Variants in CCSER1 observed in about 807,000 individuals in gnomAD.
The protein encoded by CCSER1 is coiled-coil serine rich protein 1.
CCSER1 carries 41 observed loss-of-function variants against 82.0 expected under a neutral mutation model. The observed-to-expected ratio is 0.50, with a 90% CI of 0.39 to 0.65. The LOEUF is 0.65. Among genes scored for constraint, CCSER1 ranks in the 30% least tolerant of loss-of-function variants. The pLI is 0.00. For synonymous variants in CCSER1, 414 were observed against 383.9 expected (o/e 1.08, Z -0.92); for missense variants, 1,119 against 1,064.2 (o/e 1.05, Z -0.72).
intron 10 of CCSER1, among the ~76,000 whole-genome samples, chr4:91,136,084 TC>T (rs892809216): frequency 1.3e-5 from 2 of 152,208 alleles, no homozygotes; most frequent in African/African-American, 2.4e-5. Context: ...ATCCTTATTT[TC>T]TTGCATATCA....
At chr4:90,629,406 C>T (rs911734162) in intron 6 of CCSER1, among the ~76,000 whole-genome samples, 5 of 152,058 alleles carry the variant, frequency 3.3e-5, no homozygotes, top group Middle Eastern at 3.2e-3. Flanking sequence ...CAGCAGAAGG[C>T]GATGAAGGAG....
intron 6 of CCSER1, among the ~76,000 whole-genome samples, chr4:90,639,532 C>A (rs1281973518): frequency 6.6e-6 from 1 of 151,740 alleles, no homozygotes; most frequent in African/African-American, 2.4e-5. Flanking sequence ...GGTGACAGAC[C>A]AGAATGAAAG....
chr4:90,367,350 A>T (rs1018583806), intron 3 of CCSER1, among the ~76,000 whole-genome samples: 3 of 151,844 alleles, frequency 2.0e-5, no homozygotes, highest in African/African-American at 7.2e-5. Flanking sequence ...AATAACTTAA[A>T]GTTTCTGTGT....
intron 10 of CCSER1, among the ~76,000 whole-genome samples, chr4:91,167,116 A>G (rs1294194323): frequency 6.6e-6 from 1 of 152,060 alleles, no homozygotes; most frequent in Non-Finnish European, 1.5e-5. Context: ...TTAATTTACT[A>G]ATATATTGTT....
intron 1 of CCSER1, among the ~76,000 whole-genome samples, chr4:90,227,601 A>C (rs547048778): frequency 3.9e-5 from 6 of 152,250 alleles, no homozygotes; most frequent in African/African-American, 1.4e-4. Flanking sequence ...ATTATTATAG[A>C]GCTTATGGGG....
At chr4:91,084,755 G>A (rs1723186291) in intron 9 of CCSER1, among the ~76,000 whole-genome samples, 1 of 152,090 alleles carries the variant, frequency 6.6e-6, no homozygotes, top group African/African-American at 2.4e-5. Context: ...GGTATGCCAT[G>A]TTGATCCTAG....
chr4:91,237,886 T>A (rs1739139575), intron 10 of CCSER1, among the ~76,000 whole-genome samples: 1 of 152,192 alleles, frequency 6.6e-6, no homozygotes, highest in Non-Finnish European at 1.5e-5. Context: ...AGTGAATTTA[T>A]TTGAGAGCAC....
chr4:91,515,494 TG>T (rs1760057352), intron 10 of CCSER1, among the ~76,000 whole-genome samples: 1 of 152,192 alleles, frequency 6.6e-6, no homozygotes, highest in Admixed American at 6.5e-5. Context: ...CTTAAGATAA[TG>T]GCTTCCACCT....
At chr4:91,432,919 A>G (rs138616273) in intron 10 of CCSER1, among the ~76,000 whole-genome samples, 4 of 152,244 alleles carry the variant, frequency 2.6e-5, no homozygotes, top group African/African-American at 9.6e-5. Flanking sequence ...AAGTAAAGAA[A>G]TGTGTATTAT....
In CCSER1 at chr4:91,025,193, C is replaced by A. The variant is rs185083780; in HGVS notation, c.2173-60757C>A. ...AGAATATATTTGTCTCTTGTAATTT[C>A]TATTTTTTTATGGTGTCCAGCCTGG... On this transcript the variant is annotated intron_variant, in intron 9 of 10. Transcript: ENST00000509176. 3.5e-3 allele frequency among the ~76,000 whole-genome samples: 529 copies of A among 152,158 alleles called. 4 individuals carry two copies. Among genetic ancestry groups the A allele is most frequent in the African/African-American group, 0.012 (510 of 41,542 alleles).
At chr4:90,182,824 A>T (rs536014172) in intron 1 of CCSER1, among the ~76,000 whole-genome samples, 1 of 152,048 alleles carries the variant, frequency 6.6e-6, no homozygotes, top group African/African-American at 2.4e-5. Context: ...TTTGTCTCTG[A>T]CACTTGAATG....
chr4:90,876,501 G>A (rs143181375), intron 8 of CCSER1, among the ~76,000 whole-genome samples: 15 of 152,140 alleles, frequency 9.9e-5, no homozygotes, highest in East Asian at 3.9e-4. Flanking sequence ...AAGCTTTTCC[G>A]TATTTGTCAT....
chr4:91,192,682 A>C (rs1581745546), intron 10 of CCSER1, among the ~76,000 whole-genome samples: 1 of 152,092 alleles, frequency 6.6e-6, no homozygotes, highest in South Asian at 2.1e-4. Flanking sequence ...GCTTCTGTTG[A>C]CAAAGATTCT....
Position 90,537,329 on chromosome 4 carries a change from G to A in CCSER1, c.1724+68975G>A, listed in dbSNP as rs576412680. Among the ~76,000 whole-genome samples, 326 of 151,488 alleles carry A rather than the reference G, an allele frequency of 2.2e-3. 1 individual carries two copies. The highest frequency in any genetic ancestry group is 7.4e-3 in the African/African-American group (305 of 41,338). ...CCTTTTACTTTTTTATATCTTTTTC[G>A]TTTTTAGGGGCTTCTTTCTTGCCTT... On this transcript the variant is annotated intron_variant, in intron 5 of 10. Coordinates refer to ENST00000509176, the MANE Select transcript of CCSER1 (RefSeq NM_001145065.2).
At chr4:90,880,404 C>T (rs1365401265) in intron 8 of CCSER1, among the ~76,000 whole-genome samples, 1 of 152,122 alleles carries the variant, frequency 6.6e-6, no homozygotes, top group African/African-American at 2.4e-5. Context: ...CCAGAGGTTC[C>T]CTGTCTGGTG....
intron 1 of CCSER1, among the ~76,000 whole-genome samples, chr4:90,143,889 T>C (rs779555001): frequency 9.2e-5 from 14 of 151,598 alleles, no homozygotes; most frequent in Non-Finnish European, 1.2e-4. Context: ...AGGGTCTCCT[T>C]ATGTTACTTA....
In CCSER1 at chr4:90,878,112, T is replaced by TAA. The variant is rs1290025379; in HGVS notation, c.2095-45257_2095-45256dup. Among the ~76,000 whole-genome samples, 12 of 152,270 alleles carry TAA rather than the reference T, an allele frequency of 7.9e-5. No homozygotes were observed. The South Asian group carries it at 2.5e-3, about 32-fold the overall frequency. ...CAGTGATCCATTGTGAAACTGAAAC[T>TAA]AAGTCTCACTTTTATGGACTATTTA... is the stretch of plus-strand genomic sequence containing the variant. On this transcript the variant is annotated intron_variant, in intron 8 of 10. Coordinates refer to ENST00000509176, the MANE Select transcript of CCSER1 (RefSeq NM_001145065.2).
At chr4:90,307,117 G>T (rs909299105) in intron 1 of CCSER1, among the ~76,000 whole-genome samples, 1 of 152,098 alleles carries the variant, frequency 6.6e-6, no homozygotes, top group Non-Finnish European at 1.5e-5. Flanking sequence ...AATGTTCATA[G>T]TCTTATTACT....
At chr4:90,193,409 T>C (rs531282939) in intron 1 of CCSER1, among the ~76,000 whole-genome samples, 2 of 152,198 alleles carry the variant, frequency 1.3e-5, no homozygotes, top group African/African-American at 4.8e-5. Flanking sequence ...GGATATTGAA[T>C]TTGGAATTGA....
Sources: gnomAD v4.1 joint callset for allele counts (sites outside exome capture counted in the v4.1 genomes callset) on GRCh38, gnomAD v4.1.1 for gene constraint, MANE v1.5 for transcripts, NCBI Gene and HGNC (gene_info 2026-07-23, HGNC 2026-07-21) for gene names.